LRBA: variants seen among roughly 807,000 people sequenced by gnomAD.
LRBA encodes lipopolysaccharide-responsive and beige-like anchor protein.
A neutral mutation model predicts 330.0 loss-of-function variants in LRBA; 176 were observed. That is an observed-to-expected ratio of 0.53 (90% CI 0.47 to 0.60). The LOEUF (loss-of-function observed/expected upper bound fraction) is 0.60, where lower values mean the gene tolerates loss of function less well. Ranked by LOEUF, LRBA falls within the 20% of genes least tolerant of loss-of-function variation. The pLI is 0.00. For missense variants in LRBA, 3,259 were observed against 3,444.8 expected, an observed-to-expected ratio of 0.95 and a Z score of 1.35; for synonymous variants, 1,230 against 1,193.0, an observed-to-expected ratio of 1.03 and a Z score of -0.64.
chr4:150,885,257 T>C (rs770690716), intron 17 of LRBA, among the ~76,000 whole-genome samples: 8 of 148,760 alleles, frequency 5.4e-5, no homozygotes, highest in Non-Finnish European at 1.0e-4. Context: ...GGATAAAATC[T>C]TCCAAAATTT....
chr4:150,630,508 T>C (rs1016994547), intron 37 of LRBA, among the ~76,000 whole-genome samples: 2 of 148,590 alleles, frequency 1.3e-5, no homozygotes, highest in African/African-American at 4.9e-5. Flanking sequence ...AGTAATCATG[T>C]CATATGTGAT....
At chr4:150,998,310 G>A (rs895138548) in intron 2 of LRBA, among the ~76,000 whole-genome samples, 88 of 147,354 alleles carry the variant, frequency 6.0e-4, no homozygotes, top group Middle Eastern at 3.6e-3. Context: ...CCGAGATCAC[G>A]CCACTGCACT....
chr4:150,631,260 T>C (rs923020533), intron 37 of LRBA, among the ~76,000 whole-genome samples: 1 of 151,976 alleles, frequency 6.6e-6, no homozygotes, highest in African/African-American at 2.4e-5. Context: ...ATGGACTTAG[T>C]AAAGGGATCT....
At chr4:150,786,465 A>C (rs1739073177) in intron 34 of LRBA, among the ~76,000 whole-genome samples, 1 of 151,930 alleles carries the variant, frequency 6.6e-6, no homozygotes, top group Admixed American at 6.6e-5. Flanking sequence ...GCTGGTCTCA[A>C]ACTCCTGACC....
intron 30 of LRBA, among the ~76,000 whole-genome samples, chr4:150,827,437 C>A (rs1198324370): frequency 6.6e-6 from 1 of 152,038 alleles, no homozygotes; most frequent in Non-Finnish European, 1.5e-5. Context: ...TCACTTTCTC[C>A]AACTCTGCTA....
intron 49 of LRBA, among the ~76,000 whole-genome samples, chr4:150,322,059 G>T (rs1227166166): frequency 6.6e-6 from 1 of 152,158 alleles, no homozygotes; most frequent in Non-Finnish European, 1.5e-5. Flanking sequence ...ACTGCCTATT[G>T]TAATGCAAAT....
At chr4:150,884,072 T>C (rs1728687250) in intron 17 of LRBA, among the ~76,000 whole-genome samples, 1 of 152,184 alleles carries the variant, frequency 6.6e-6, no homozygotes, top group African/African-American at 2.4e-5. Context: ...ACTCCTGTCA[T>C]TACCACCCCA....
chr4:150,504,839 T>C (rs1760829841), intron 40 of LRBA, among the ~76,000 whole-genome samples: 1 of 152,094 alleles, frequency 6.6e-6, no homozygotes, highest in Non-Finnish European at 1.5e-5. Context: ...CCATCTCACA[T>C]GCAGAGACAC....
intron 35 of LRBA, among the ~76,000 whole-genome samples, chr4:150,742,627 G>T (rs1207073134): frequency 6.6e-6 from 1 of 152,064 alleles, no homozygotes; most frequent in East Asian, 1.9e-4. Flanking sequence ...GCCAGGTACA[G>T]TGGCTCATGC....
chr4:150,319,099 G>A (rs1468426234), intron 50 of LRBA, among the ~76,000 whole-genome samples: 2 of 152,186 alleles, frequency 1.3e-5, no homozygotes, highest in East Asian at 1.9e-4. Flanking sequence ...TCATCAACGC[G>A]TAGGGTCTTA....
At chr4:150,522,631 G>A (rs935247811) in intron 40 of LRBA, among the ~76,000 whole-genome samples, 6 of 152,136 alleles carry the variant, frequency 3.9e-5, no homozygotes, top group East Asian at 1.9e-4. Context: ...TCAAGTCTCC[G>A]CTTCCCGCAT....
At chr4:150,349,534 C>T (rs905340271) in intron 48 of LRBA, among the ~76,000 whole-genome samples, 43 of 152,046 alleles carry the variant, frequency 2.8e-4, no homozygotes, top group African/African-American at 4.8e-5. Flanking sequence ...TAACATCTAA[C>T]AACAATTTGA....
intron 2 of LRBA, among the ~76,000 whole-genome samples, chr4:150,993,199 T>G (rs1742284928): frequency 6.6e-6 from 1 of 152,206 alleles, no homozygotes; most frequent in African/African-American, 2.4e-5. Flanking sequence ...GCATAATTAT[T>G]AGAACAGATA....
intron 34 of LRBA, among the ~76,000 whole-genome samples, chr4:150,783,153 C>T (rs779795306): frequency 4.3e-4 from 65 of 152,252 alleles, no homozygotes; most frequent in Non-Finnish European, 8.7e-4. Flanking sequence ...GGCAGCAGTC[C>T]AGATTTGCTA....
At chr4:150,359,543 G>T (rs1177901170) in intron 47 of LRBA, among the ~76,000 whole-genome samples, 2 of 152,188 alleles carry the variant, frequency 1.3e-5, no homozygotes, top group East Asian at 1.9e-4. Flanking sequence ...TACTAGAGGA[G>T]AAATTGTTTA....
intron 44 of LRBA, among the ~76,000 whole-genome samples, chr4:150,457,279 G>A (rs1294288750): frequency 2.6e-5 from 4 of 151,942 alleles, no homozygotes; most frequent in Non-Finnish European, 2.9e-5. Flanking sequence ...TGTCTTATTA[G>A]TCTTGTATAA....
At chr4:150,346,736 C>T (rs1460384302) in intron 48 of LRBA, among the ~76,000 whole-genome samples, 1 of 107,388 alleles carries the variant, frequency 9.3e-6, no homozygotes, top group Non-Finnish European at 1.7e-5. Context: ...TCCAGCCTGG[C>T]AACAATGTGA....
chr4:150,998,652 G>A (rs557466950), intron 2 of LRBA, among the ~76,000 whole-genome samples: 1 of 152,184 alleles, frequency 6.6e-6, no homozygotes, highest in South Asian at 2.1e-4. Context: ...ACCGCACCCG[G>A]CAGGAAAATT....
rs1431270451 is a variant in LRBA, at chr4:150,940,862, CTTTT to C, written c.217-11801_217-11798del. On this transcript the variant is annotated intron_variant, in intron 2 of 56. Transcript: ENST00000651943. Reference sequence around the variant, plus strand: ...TTTAAGTGCCTTTTTTGTTTTCCTTCTTTTTGTTTTCTTTCTTTCATGACTTTTT... The same window carrying C: ...TTTAAGTGCCTTTTTTGTTTTCCTTCTGTTTTCTTTCTTTCATGACTTTTT... Among the ~76,000 whole-genome samples, 9 of 151,670 alleles carry C rather than the reference CTTTT, an allele frequency of 5.9e-5. No homozygotes were observed. In the East Asian group the frequency reaches 1.7e-3, roughly 29 times the overall value.
Sources: allele counts gnomAD v4.1 joint callset (sites outside exome capture counted in the v4.1 genomes callset), GRCh38; gene constraint gnomAD v4.1.1; transcripts MANE v1.5; gene names NCBI Gene and HGNC (gene_info 2026-07-23, HGNC 2026-07-21).